ZFPM2: variants seen among roughly 807,000 people sequenced by gnomAD.
The protein encoded by ZFPM2 is zinc finger protein, FOG family member 2, also known as zinc finger protein ZFPM2.
Under a neutral mutation model 98.6 loss-of-function variants are expected in ZFPM2, and 20 were observed. That is an observed-to-expected ratio of 0.20 (90% CI 0.14 to 0.29). The LOEUF (loss-of-function observed/expected upper bound fraction) is 0.29. ZFPM2 is among the 10% of genes least tolerant of loss of function. ZFPM2 has a pLI of 1.00. For synonymous variants in ZFPM2, 518 were observed against 502.7 expected (o/e 1.03, Z -0.41); for missense variants, 1,310 against 1,388.6 (o/e 0.94, Z 0.90).
chr8:105,617,048 A>G (rs1428768543), intron 4 of ZFPM2, among the ~76,000 whole-genome samples: 1 of 128,068 alleles, frequency 7.8e-6, no homozygotes, highest in African/African-American at 2.9e-5. Flanking sequence ...AAAAAAAAAA[A>G]AAAAAAAAAA....
chr8:105,321,599 GT>G (rs905159738), intron 1 of ZFPM2, among the ~76,000 whole-genome samples: 44 of 149,830 alleles, frequency 2.9e-4, no homozygotes, highest in Admixed American at 6.0e-4. Context: ...GTTGGGCACA[GT>G]TTTTTTTTTC....
chr8:105,342,267 A>C (rs1812444554), intron 1 of ZFPM2, among the ~76,000 whole-genome samples: 1 of 152,042 alleles, frequency 6.6e-6, no homozygotes, highest in African/African-American at 2.4e-5. Context: ...AGTCAAGTTG[A>C]TGAGCTGTGC....
chr8:105,503,234 A>G (rs994364956), intron 3 of ZFPM2, among the ~76,000 whole-genome samples: 2 of 152,202 alleles, frequency 1.3e-5, no homozygotes, highest in African/African-American at 4.8e-5. Flanking sequence ...CATAAACTCT[A>G]TAGAAACCAC....
At chr8:105,710,615 G>T (rs1811361701) in intron 5 of ZFPM2, among the ~76,000 whole-genome samples, 8 of 151,032 alleles carry the variant, frequency 5.3e-5, no homozygotes. Flanking sequence ...TTTAAATATT[G>T]GAACTCTGTC....
Position 105,419,224 on chromosome 8 carries a change from C to T in ZFPM2, c.121C>T (p.Pro41Ser), listed in dbSNP as rs199535268. ...AGACATCATCTCCAAAGGAGACTTT[C>T]CATTGGAGGAAAGCTTTTCCACAGA... Reference protein sequence around the residue: ...ETDIISKGDFPLEESFSTEFG... With the variant: ...ETDIISKGDFSLEESFSTEFG... The change falls in exon 2 of 8, where the codon CCA becomes TCA. Residue 41 changes from proline (P) to serine (S), a missense_variant. Physicochemically the swap from Pro to Ser is moderately conservative, Grantham distance 74 (BLOSUM62 -1). Transcript: ENST00000407775. 1.2e-6 allele frequency: 2 copies of T among 1,613,630 alleles called. No individual in the cohort carries two copies. The highest frequency in any genetic ancestry group is 2.7e-5 in the African/African-American group (2 of 75,020).
chr8:105,482,820 T>G (rs1279304017), intron 3 of ZFPM2, among the ~76,000 whole-genome samples: 1 of 152,220 alleles, frequency 6.6e-6, no homozygotes, highest in Admixed American at 6.5e-5. Context: ...GTTTATCTGC[T>G]TATTTACCTG....
chr8:105,634,655 C>T (rs1470730495), intron 5 of ZFPM2, among the ~76,000 whole-genome samples: 3 of 152,052 alleles, frequency 2.0e-5, no homozygotes, highest in Non-Finnish European at 2.9e-5. Flanking sequence ...TCATTGATAG[C>T]CAGGTTTGAC....
chr8:105,455,770 AAGAC>A (rs1226191701), intron 3 of ZFPM2, among the ~76,000 whole-genome samples: 1 of 152,198 alleles, frequency 6.6e-6, no homozygotes, highest in Non-Finnish European at 1.5e-5. Context: ...TGAGGTAAGA[AAGAC>A]TAAAGGAAAG....
chr8:105,698,464 A>T (rs1811069829), intron 5 of ZFPM2, among the ~76,000 whole-genome samples: 2 of 152,236 alleles, frequency 1.3e-5, no homozygotes, highest in African/African-American at 2.4e-5. Context: ...GTTATTTAAA[A>T]AATAATAAAA....
rs181007123 is a variant in ZFPM2, at chr8:105,801,242, C to G, written c.1160C>G (p.Pro387Arg). 132 of 1,613,838 alleles carry G rather than the reference C, an allele frequency of 8.2e-5. No individual in the cohort carries two copies. The African/African-American group carries it at 1.3e-3, about 16-fold the overall frequency. The change falls in exon 8 of 8, where the codon CCT becomes CGT. Residue 387 changes from proline (P) to arginine (R), a missense_variant. By Grantham distance (103) the Pro-to-Arg change is moderately radical (BLOSUM62 -2). Coordinates refer to ENST00000407775, the MANE Select transcript of ZFPM2 (RefSeq NM_012082.4). ...TTGCAGCACCAGGAGCTCCATGTCC[C>G]TAGCGGCAAACTTCCCAGAGAAAGT... The part of the protein sequence containing the change: ...ELLQHQELHV[P>R]SGKLPRESDM...
At chr8:105,483,063 G>A (rs1813156810) in intron 3 of ZFPM2, among the ~76,000 whole-genome samples, 2 of 104,390 alleles carry the variant, frequency 1.9e-5, no homozygotes, top group African/African-American at 7.6e-5. Context: ...ATCTTGCTAT[G>A]TTGCCCAGGC....
intron 5 of ZFPM2, among the ~76,000 whole-genome samples, chr8:105,636,646 G>A (rs1816852829): frequency 6.6e-6 from 1 of 152,132 alleles, no homozygotes; most frequent in South Asian, 2.1e-4. Context: ...GGTCTGGCAT[G>A]CTACCTGTAC....
At chr8:105,501,963 T>C (rs527712140) in intron 3 of ZFPM2, among the ~76,000 whole-genome samples, 52 of 152,288 alleles carry the variant, frequency 3.4e-4, no homozygotes, top group African/African-American at 1.2e-3. Context: ...TGATTTCTGA[T>C]TAATCACCAT....
intron 5 of ZFPM2, chr8:105,737,339 GC>G (rs1211394710): frequency 6.5e-6 from 1 of 153,074 alleles, no homozygotes; most frequent in Non-Finnish European, 1.5e-5. Flanking sequence ...TGAGGGTGGC[GC>G]CGTCAGCATT....
At chr8:105,416,015 G>C (rs1811673559) in intron 1 of ZFPM2, among the ~76,000 whole-genome samples, 1 of 151,714 alleles carries the variant, frequency 6.6e-6, no homozygotes, top group South Asian at 2.1e-4. Context: ...TAAACATATA[G>C]GTGCTTCTTT....
chr8:105,682,788 A>G (rs1810639489), intron 5 of ZFPM2, among the ~76,000 whole-genome samples: 1 of 152,118 alleles, frequency 6.6e-6, no homozygotes, highest in Non-Finnish European at 1.5e-5. Context: ...GCCAGTCTCC[A>G]TCATGGGATT....
chr8:105,365,592 C>G (rs1810490507), intron 1 of ZFPM2, among the ~76,000 whole-genome samples: 1 of 152,128 alleles, frequency 6.6e-6, no homozygotes, highest in Non-Finnish European at 1.5e-5. Flanking sequence ...ATAAAATCAA[C>G]AAGCAGCAGT....
At chr8:105,710,691 G>A (rs1224977429) in intron 5 of ZFPM2, among the ~76,000 whole-genome samples, 1 of 150,758 alleles carries the variant, frequency 6.6e-6, no homozygotes, top group Non-Finnish European at 1.5e-5. Context: ...GTGTGTGTGT[G>A]TGTGTGTGTG....
rs767667860 is a variant in ZFPM2 at position 105,419,321 on chromosome 8, A to G, written c.199+19A>G. On this transcript the variant is annotated intron_variant, in intron 2 of 7. Coordinates refer to ENST00000407775, the MANE Select transcript of ZFPM2 (RefSeq NM_012082.4). ...AACAAAGGTAATTGTTGATGGTTGG[A>G]TGTAATATGTGAGTCCACTTAAATG... The G allele has an allele frequency of 3.1e-6, 5 of 1,611,364 alleles. No individual in the cohort carries two copies. The highest frequency in any genetic ancestry group is 3.4e-6 in the Non-Finnish European group (4 of 1,179,104).
Sources: gnomAD v4.1 joint callset for allele counts (sites outside exome capture counted in the v4.1 genomes callset) on GRCh38, gnomAD v4.1.1 for gene constraint, MANE v1.5 for transcripts, NCBI Gene and HGNC (gene_info 2026-07-23, HGNC 2026-07-21) for gene names.